POC1B: variants seen among roughly 807,000 people sequenced by gnomAD.
The protein encoded by POC1B is POC1 centriolar protein homolog B.
Under a neutral mutation model 60.6 loss-of-function variants are expected in POC1B, and 44 were observed. The ratio of observed to expected loss-of-function variants is 0.73; its 90% CI spans 0.57 to 0.93. POC1B has a LOEUF of 0.93. Ranked by LOEUF, POC1B falls within the 40% of genes least tolerant of loss-of-function variation. The probability of loss-of-function intolerance (pLI) is 0.00; values close to 1 mark genes in which losing one functional copy is unlikely to be tolerated. For synonymous variants in POC1B, 180 were observed against 198.9 expected (o/e 0.90, Z 0.80); for missense variants, 555 against 572.3 (o/e 0.97, Z 0.31).
chr12:89,471,110 G>C (rs895816581), intron 6 of POC1B, among the ~76,000 whole-genome samples: 3 of 152,146 alleles, frequency 2.0e-5, no homozygotes, highest in Non-Finnish European at 4.4e-5. Flanking sequence ...ATATTGTTTA[G>C]ATTTGGCACA....
intron 2 of POC1B, among the ~76,000 whole-genome samples, chr12:89,503,715 T>A (rs1438314141): frequency 6.9e-6 from 1 of 144,930 alleles, no homozygotes; most frequent in African/African-American, 2.6e-5. Context: ...GTGAGGAGCG[T>A]CTCTGCCCGG....
intron 11 of POC1B, among the ~76,000 whole-genome samples, chr12:89,424,673 T>C (rs781156131): frequency 3.9e-5 from 6 of 152,228 alleles, no homozygotes; most frequent in Admixed American, 6.5e-5. Context: ...TTTGGTATAT[T>C]ATTTAAGATG....
At chr12:89,418,562 T>G (rs1455492295), downstream of POC1B, among the ~76,000 whole-genome samples, 1 of 152,134 alleles carries the variant, frequency 6.6e-6, no homozygotes, top group East Asian at 1.9e-4. Flanking sequence ...TGATCCCTAC[T>G]GTTGGAGATG....
chr12:89,524,628 G>A, intron 2 of POC1B: 4 of 1,448,654 alleles, frequency 2.8e-6, no homozygotes, highest in Non-Finnish European at 2.9e-6. Context: ...CACAGCTCGA[G>A]CTCAGGTACT....
chr12:89,441,226 C>G (rs534874940), intron 10 of POC1B, among the ~76,000 whole-genome samples: 1 of 152,352 alleles, frequency 6.6e-6, no homozygotes, highest in East Asian at 1.9e-4. Flanking sequence ...GAAACTTCTG[C>G]AGACTTAAAC....
rs560008242 is a variant in POC1B, at chr12:89,455,864, T to A, written c.1113+3774A>T. On this transcript the variant is annotated intron_variant, in intron 10 of 11. Coordinates refer to ENST00000313546, the MANE Select transcript of POC1B (RefSeq NM_172240.3). ...GATAATCAAAGGAACAACAGCAAGA[T>A]TACCAACTTCATTTTGTTCATTTAT... Among the ~76,000 whole-genome samples, 51 of 152,282 alleles carry A rather than the reference T, an allele frequency of 3.3e-4. No homozygotes were observed. The South Asian group carries it at 7.1e-3, about 21-fold the overall frequency.
intron 2 of POC1B, among the ~76,000 whole-genome samples, chr12:89,509,792 A>C (rs1024300680): frequency 3.3e-5 from 5 of 152,178 alleles, no homozygotes; most frequent in Non-Finnish European, 7.4e-5. Flanking sequence ...CAGTAGTTTC[A>C]GAATCATGGA....
chr12:89,459,698 T>G lies in POC1B; in HGVS notation c.1053A>C (p.Val351=), dbSNP rs898496163. The G allele has an allele frequency of 5.8e-6, 9 of 1,543,972 alleles. No individual in the cohort carries two copies. The highest frequency in any genetic ancestry group is 7.9e-6 in the Non-Finnish European group (9 of 1,143,254). ...GGGGAGTAGAGATCTGCAAATCGAT[T>G]ACCTCAAGCTTTGGATTAATCTGTG... ...ETVEINPKLE[V]IDLQISTPPV... Residue 351 remains valine, a synonymous_variant, in exon 10 of 12, where the codon GTA becomes GTC. Transcript: ENST00000313546.
Position 89,421,245 on chromosome 12 carries a change from A to G in POC1B, c.1345T>C (p.Leu449=). Reference sequence around the variant, plus strand: ...TCTGTCAAAGTCAGTCGCTGCTCCAAGATTGAAACAGTCTGCAAAAAGGAG... The same window carrying G: ...TCTGTCAAAGTCAGTCGCTGCTCCAGGATTGAAACAGTCTGCAAAAAGGAG... ...LNVLTQTVSI[L]EQRLTLTEDK... The change falls in exon 12 of 12, where the codon TTG becomes CTG. Residue 449 remains leucine (L), a synonymous_variant. Coordinates refer to ENST00000313546, the MANE Select transcript of POC1B (RefSeq NM_172240.3). 6.3e-7 allele frequency: 1 copy of G among 1,593,752 alleles called. No individual in the cohort carries two copies. The highest frequency in any genetic ancestry group is 8.6e-7 in the Non-Finnish European group (1 of 1,164,962).
chr12:89,425,578 G>A (rs921332256), intron 10 of POC1B, 199 bp from the exon 11 acceptor site: 10 of 444,074 alleles, frequency 2.3e-5, no homozygotes, highest in Non-Finnish European at 3.9e-5. Context: ...AAAGCTAACA[G>A]TGAATAGAGA....
chr12:89,523,482 C>A, intron 2 of POC1B: 4 of 1,612,652 alleles, frequency 2.5e-6, no homozygotes, highest in Non-Finnish European at 3.4e-6. Context: ...CGTGGGAACA[C>A]GGGTGGATCT....
intron 4 of POC1B, among the ~76,000 whole-genome samples, chr12:89,480,492 C>T (rs750733054): frequency 6.6e-6 from 1 of 151,340 alleles, no homozygotes; most frequent in Non-Finnish European, 1.5e-5. Context: ...ATGATCTCGG[C>T]TCACTGCAAC....
chr12:89,525,749 G>C, intron 1 of POC1B, 132 bp downstream of exon 1: 1 of 1,313,322 alleles, frequency 7.6e-7, no homozygotes, highest in Middle Eastern at 2.8e-4. Context: ...GCCCCGGGAC[G>C]AGGGGCTCAG....
downstream of POC1B, among the ~76,000 whole-genome samples, chr12:89,416,516 A>G (rs1880367758): frequency 6.6e-6 from 1 of 152,222 alleles, no homozygotes; most frequent in South Asian, 2.1e-4. Flanking sequence ...GATTGAGGAC[A>G]GATGGTGGCA....
In POC1B at chr12:89,523,963, A is replaced by C. The variant is rs150780155; in HGVS notation, c.100+1157T>G. 70 of 1,613,796 alleles carry C rather than the reference A, an allele frequency of 4.3e-5. No individual in the cohort carries two copies. The African/African-American group carries it at 7.7e-4, about 18-fold the overall frequency. ...TCGCTTATTGGTCCTAATCAAGCGT[A>C]CTCTATCAAGATTGCTGATGTAAGT... On this transcript the variant is annotated intron_variant, in intron 2 of 11. Transcript: ENST00000313546.
At chr12:89,486,490 A>G (rs1193962275) in intron 4 of POC1B, among the ~76,000 whole-genome samples, 1 of 152,234 alleles carries the variant, frequency 6.6e-6, no homozygotes, top group African/African-American at 2.4e-5. Flanking sequence ...CAAGAAGGTG[A>G]ATGGTGAAAG....
At chr12:89,451,350 C>A (rs1395830910) in intron 10 of POC1B, among the ~76,000 whole-genome samples, 1 of 152,114 alleles carries the variant, frequency 6.6e-6, no homozygotes, top group Non-Finnish European at 1.5e-5. Context: ...TAGTGGCCAT[C>A]ATGATCCTGA....
chr12:89,445,254 T>C (rs1881725184), intron 10 of POC1B, among the ~76,000 whole-genome samples: 1 of 152,076 alleles, frequency 6.6e-6, no homozygotes, highest in Non-Finnish European at 1.5e-5. Context: ...TGGAAGAAAA[T>C]ACTTTAAAGT....
intron 10 of POC1B, among the ~76,000 whole-genome samples, chr12:89,441,578 A>G (rs1286791882): frequency 6.6e-6 from 1 of 152,200 alleles, no homozygotes; most frequent in Non-Finnish European, 1.5e-5. Context: ...GAAACCTAAC[A>G]AACAGAAAGG....
Sources: gnomAD v4.1 joint callset for allele counts (sites outside exome capture counted in the v4.1 genomes callset) on GRCh38, gnomAD v4.1.1 for gene constraint, MANE v1.5 for transcripts, NCBI Gene and HGNC (gene_info 2026-07-23, HGNC 2026-07-21) for gene names.